Variants in PARD3 observed in about 807,000 individuals in gnomAD.
PARD3 encodes partitioning defective 3 homolog.
In PARD3, 75 loss-of-function variants were observed where a neutral mutation model predicts 155.4. The ratio of observed to expected loss-of-function variants is 0.48; its 90% CI spans 0.40 to 0.58. The LOEUF (loss-of-function observed/expected upper bound fraction) is 0.58, where lower values mean the gene tolerates loss of function less well. PARD3 is among the 20% of genes least tolerant of loss of function. PARD3 has a pLI of 0.00. For missense variants in PARD3, 1,642 were observed against 1,721.7 expected (o/e 0.95, Z 0.82); for synonymous variants, 576 against 610.5 (o/e 0.94, Z 0.83).
chr10:34,357,172 A>G (rs1227703201), intron 14 of PARD3, among the ~76,000 whole-genome samples: 2 of 152,182 alleles, frequency 1.3e-5, no homozygotes, highest in Admixed American at 1.3e-4. Flanking sequence ...TGGGGGGAAC[A>G]ATAGGGAATA....
intron 2 of PARD3, among the ~76,000 whole-genome samples, chr10:34,521,200 C>A (rs1007107189): frequency 6.6e-6 from 1 of 151,980 alleles, no homozygotes; most frequent in Admixed American, 6.6e-5. Flanking sequence ...CATTATAGAA[C>A]CACAGTTGGT....
rs972124562 is a variant in PARD3 at position 34,119,598 on chromosome 10, C to G, written c.3668+15G>C. On this transcript the variant is annotated intron_variant, in intron 24 of 24. Transcript: ENST00000374788. ...GGCCGGGGGGATCTGGAGGCTCGGC[C>G]AAGCGTCCTCATACCGAGGCAGAGA... 7.8e-5 allele frequency: 124 copies of G among 1,585,122 alleles called. No individual in the cohort carries two copies. The highest frequency in any genetic ancestry group is 1.1e-4 in the Non-Finnish European group (123 of 1,159,646).
Position 34,261,855 on chromosome 10 carries a change from C to T in PARD3, c.3419+7802G>A, listed in dbSNP as rs1295641009. On this transcript the variant is annotated intron_variant, in intron 22 of 24. Transcript: ENST00000374788. ...AAACAAACAAACAAACACACACACACTGGACAGAATGCAGTTTAGGAATAT... is the reference window on the plus strand; with the variant it reads ...AAACAAACAAACAAACACACACACATTGGACAGAATGCAGTTTAGGAATAT... Among the ~76,000 whole-genome samples, 7 of 139,166 alleles carry T rather than the reference C, an allele frequency of 5.0e-5. 1 individual carries two copies. The South Asian group carries it at 1.1e-3, about 22-fold the overall frequency. The allele number at this position is 139,166 out of a possible 152,430, so 91.3% of individuals were successfully genotyped here.
chr10:34,463,072 G>A (rs1205841393), intron 4 of PARD3, among the ~76,000 whole-genome samples: 1 of 100,366 alleles, frequency 1.0e-5, no homozygotes, highest in Admixed American at 9.8e-5. Flanking sequence ...GGGAAGGGGA[G>A]GGAAAGGGAA....
chr10:34,342,438 T>C (rs1054034760), intron 15 of PARD3, among the ~76,000 whole-genome samples: 1 of 152,340 alleles, frequency 6.6e-6, no homozygotes, highest in South Asian at 2.1e-4. Flanking sequence ...ATGGTCAATA[T>C]GATCTTTTCT....
chr10:34,546,313 C>T (rs2084051350), intron 2 of PARD3, among the ~76,000 whole-genome samples: 2 of 151,870 alleles, frequency 1.3e-5, no homozygotes, highest in African/African-American at 4.8e-5. Context: ...GTCAGGGGTT[C>T]GAGACCAGTC....
At chr10:34,307,630 T>G (rs1360374859) in intron 20 of PARD3, among the ~76,000 whole-genome samples, 1 of 152,106 alleles carries the variant, frequency 6.6e-6, no homozygotes, top group Non-Finnish European at 1.5e-5. Flanking sequence ...TGAAGGCTGC[T>G]CCAAGGTGTT....
At chr10:34,648,090 G>A (rs902431355) in intron 2 of PARD3, among the ~76,000 whole-genome samples, 4 of 152,150 alleles carry the variant, frequency 2.6e-5, no homozygotes, top group African/African-American at 9.7e-5. Flanking sequence ...TCCCGGGATC[G>A]CCATGCGGCC....
chr10:34,601,368 G>C (rs921255998), intron 2 of PARD3, among the ~76,000 whole-genome samples: 5 of 152,030 alleles, frequency 3.3e-5, no homozygotes, highest in Admixed American at 6.6e-5. Flanking sequence ...TTGAGTCCAG[G>C]AGTTCAAGGC....
At chr10:34,605,537 C>CTATA (rs1226768521) in intron 2 of PARD3, among the ~76,000 whole-genome samples, 1,498 of 25,666 alleles carry the variant, frequency 0.058, 296 homozygotes, top group East Asian at 0.14. Flanking sequence ...TATATATCTC[C>CTATA]TATATATATA....
chr10:34,578,855 A>T (rs1033867594), intron 2 of PARD3, among the ~76,000 whole-genome samples: 3 of 152,188 alleles, frequency 2.0e-5, no homozygotes, highest in Non-Finnish European at 4.4e-5. Flanking sequence ...GAAATTTTTA[A>T]TTTCTTCTTT....
At chr10:34,222,861 G>T (rs921882251) in intron 22 of PARD3, among the ~76,000 whole-genome samples, 1 of 152,156 alleles carries the variant, frequency 6.6e-6, no homozygotes, top group Non-Finnish European at 1.5e-5. Context: ...TGCTAGCTTT[G>T]ACCACACTCA....
chr10:34,201,915 T>G (rs1409068889), intron 22 of PARD3: 1 of 152,198 alleles, frequency 6.6e-6, no homozygotes, highest in Non-Finnish European at 1.5e-5. Context: ...CAGTGCACCA[T>G]TGCTCTTGGA....
At chr10:34,355,949 A>AC (rs768228964) in intron 14 of PARD3, among the ~76,000 whole-genome samples, 18 of 119,456 alleles carry the variant, frequency 1.5e-4, no homozygotes, top group Non-Finnish European at 2.7e-4. Flanking sequence ...AAAAAAAACA[A>AC]AACAAAACCA....
intron 18 of PARD3, among the ~76,000 whole-genome samples, chr10:34,331,852 A>G: frequency 6.6e-6 from 1 of 152,214 alleles, no homozygotes; most frequent in South Asian, 2.1e-4. Context: ...GCAGACCCAC[A>G]ACACTGCATA....
At chr10:34,427,327 G>A (rs1261516065) in intron 5 of PARD3, among the ~76,000 whole-genome samples, 1 of 152,206 alleles carries the variant, frequency 6.6e-6, no homozygotes, top group Admixed American at 6.5e-5. Flanking sequence ...TGCATTCCCA[G>A]GCGGGGCCTC....
chr10:34,375,483 A>G (rs1246203320), intron 10 of PARD3, among the ~76,000 whole-genome samples: 2 of 152,236 alleles, frequency 1.3e-5, no homozygotes, highest in Non-Finnish European at 2.9e-5. Context: ...ACTGATAAAT[A>G]TAAATAAAAC....
chr10:34,310,472 G>A (rs2134083430), intron 20 of PARD3, among the ~76,000 whole-genome samples: 1 of 152,338 alleles, frequency 6.6e-6, no homozygotes, highest in East Asian at 1.9e-4. Flanking sequence ...AGACTATCAA[G>A]TAGGTGTCAT....
chr10:34,143,375 G>A (rs564142160), intron 22 of PARD3, among the ~76,000 whole-genome samples: 36 of 152,150 alleles, frequency 2.4e-4, no homozygotes, highest in Non-Finnish European at 3.7e-4. Flanking sequence ...TACAAAACCT[G>A]ATGGGTTTTG....
Sources: allele counts gnomAD v4.1 joint callset (sites outside exome capture counted in the v4.1 genomes callset), GRCh38; gene constraint gnomAD v4.1.1; transcripts MANE v1.5; gene names NCBI Gene and HGNC (gene_info 2026-07-23, HGNC 2026-07-21).